Variants in GLI3 observed in about 807,000 individuals in gnomAD.
GLI3 encodes GLI family zinc finger 3.
In GLI3, 20 loss-of-function variants were observed where a neutral mutation model predicts 100.8. The ratio of observed to expected loss-of-function variants is 0.20; its 90% CI spans 0.14 to 0.29. GLI3 has a LOEUF of 0.29. Ranked by LOEUF, GLI3 falls within the 10% of genes least tolerant of loss-of-function variation. GLI3 has a pLI of 1.00. For synonymous variants in GLI3, 938 were observed against 860.5 expected, an observed-to-expected ratio of 1.09 and a Z score of -1.58; for missense variants, 2,040 against 2,128.5, an observed-to-expected ratio of 0.96 and a Z score of 0.82.
At position 41,973,227 on chromosome 7, in the gene GLI3, T is replaced by G. The variant is rs192564097; in HGVS notation, c.1813-600A>C. Among the ~76,000 whole-genome samples the G allele has an allele frequency of 2.3e-3, 348 of 152,340 alleles. 2 individuals carry two copies. Among genetic ancestry groups the G allele is most frequent in the Middle Eastern group, 0.01 (3 of 294 alleles). On this transcript the variant is annotated intron_variant, in intron 12 of 14. Transcript: ENST00000395925. ...TTGGGTAGCATTACAAGTGTGGGGA[T>G]GTTCAGGGCTCAAAATAGCCAGAAC...
intron 2 of GLI3, among the ~76,000 whole-genome samples, chr7:42,210,288 A>G (rs895841187): frequency 6.8e-6 from 1 of 147,606 alleles, no homozygotes; most frequent in Non-Finnish European, 1.5e-5. Flanking sequence ...TAAAAATTGT[A>G]CTCTTGTTTT....
At chr7:42,261,604 T>A (rs982506331) in intron 1 of GLI3, among the ~76,000 whole-genome samples, 4 of 152,172 alleles carry the variant, frequency 2.6e-5, no homozygotes, top group African/African-American at 9.7e-5. Context: ...TCAGACTATA[T>A]ATTTTATATG....
chr7:42,142,718 T>C (rs1786598464), intron 3 of GLI3, among the ~76,000 whole-genome samples: 1 of 151,766 alleles, frequency 6.6e-6, no homozygotes, highest in African/African-American at 2.4e-5. Context: ...AATGCAGCTC[T>C]TTAAAAGTCT....
intron 7 of GLI3, among the ~76,000 whole-genome samples, chr7:42,033,435 C>T (rs914316084): frequency 6.6e-6 from 1 of 152,150 alleles, no homozygotes; most frequent in Non-Finnish European, 1.5e-5. Flanking sequence ...CTACAACAAA[C>T]CTAGTTTACT....
chr7:42,197,740 A>C (rs1787956854), intron 2 of GLI3, among the ~76,000 whole-genome samples: 1 of 152,226 alleles, frequency 6.6e-6, no homozygotes, highest in South Asian at 2.1e-4. Context: ...TACCCCAGAC[A>C]GGAGAGTCAG....
At chr7:42,218,723 A>G (rs140143926) in intron 2 of GLI3, among the ~76,000 whole-genome samples, 87 of 152,284 alleles carry the variant, frequency 5.7e-4, no homozygotes, top group African/African-American at 1.9e-3. Context: ...TTGGTTTCAC[A>G]TTGCATCAGC....
At chr7:42,140,713 A>G (rs530658951) in intron 3 of GLI3, among the ~76,000 whole-genome samples, 1 of 152,370 alleles carries the variant, frequency 6.6e-6, no homozygotes, top group African/African-American at 2.4e-5. Flanking sequence ...CTATGAAGAT[A>G]CAGCACAAAT....
chr7:42,190,663 AAAATTGCAATACATTTTGAAAAC>A (rs1448277069), intron 2 of GLI3, among the ~76,000 whole-genome samples: 1 of 152,228 alleles, frequency 6.6e-6, no homozygotes, highest in Non-Finnish European at 1.5e-5. Context: ...ACATATGGAA[AAAATTGCAATACATTTTGAAAAC>A]AAATGCAATC....
At chr7:42,096,233 T>A (rs1221792533) in intron 3 of GLI3, among the ~76,000 whole-genome samples, 1 of 152,110 alleles carries the variant, frequency 6.6e-6, no homozygotes, top group African/African-American at 2.4e-5. Flanking sequence ...TGGAAGGCAC[T>A]GGAGCCACCG....
chr7:41,977,504 CGG>C, intron 12 of GLI3, 52 bp downstream of exon 12: 7 of 1,575,084 alleles, frequency 4.4e-6, no homozygotes, highest in Non-Finnish European at 6.1e-6. Flanking sequence ...GTGCCTTCCC[CGG>C]GATAGTTCTT....
chr7:42,106,181 G>A (rs1226153655), intron 3 of GLI3, among the ~76,000 whole-genome samples: 1 of 152,184 alleles, frequency 6.6e-6, no homozygotes, highest in Non-Finnish European at 1.5e-5. Flanking sequence ...CCGTCCAACA[G>A]GCATCCTCAT....
At chr7:42,093,822 GT>G (rs1785280129) in intron 3 of GLI3, among the ~76,000 whole-genome samples, 1 of 151,992 alleles carries the variant, frequency 6.6e-6, no homozygotes, top group African/African-American at 2.4e-5. Context: ...AAAAATCTTT[GT>G]CCCCAAAGAA....
At chr7:42,243,579 T>G (rs1788944662) in intron 1 of GLI3, among the ~76,000 whole-genome samples, 1 of 152,182 alleles carries the variant, frequency 6.6e-6, no homozygotes, top group Admixed American at 6.5e-5. Context: ...ATAACGATAT[T>G]CATCTCACAG....
intron 10 of GLI3, among the ~76,000 whole-genome samples, chr7:42,013,004 C>T (rs891278794): frequency 3.9e-5 from 6 of 152,198 alleles, no homozygotes; most frequent in African/African-American, 1.4e-4. Flanking sequence ...CACCATGTCC[C>T]TTTAGGCAGG....
intron 1 of GLI3, among the ~76,000 whole-genome samples, chr7:42,251,203 G>T (rs1049469848): frequency 1.3e-5 from 2 of 152,190 alleles, no homozygotes; most frequent in Non-Finnish European, 2.9e-5. Context: ...CTGCACCAGG[G>T]ACTGGTTTCT....
rs540437490 is a variant in GLI3 at position 42,061,578 on chromosome 7, G to A, written c.474-12882C>T. ...CATTGGTCCCATAAAGGTGAAAAAA[G>A]TGAGCCCTTTTGAAGTGGCAGGCTC... On this transcript the variant is annotated intron_variant, in intron 4 of 14. Transcript: ENST00000395925. Among the ~76,000 whole-genome samples the A allele has an allele frequency of 4.6e-5, 7 of 152,260 alleles. No individual in the cohort carries two copies. The East Asian group carries it at 1.3e-3, about 29-fold the overall frequency.
chr7:42,243,191 G>T (rs1788942118), intron 1 of GLI3, among the ~76,000 whole-genome samples: 1 of 152,206 alleles, frequency 6.6e-6, no homozygotes, highest in African/African-American at 2.4e-5. Context: ...GCAAGGGAAA[G>T]GAAGGACATA....
chr7:42,095,032 T>C (rs1041612416), intron 3 of GLI3, among the ~76,000 whole-genome samples: 2 of 152,118 alleles, frequency 1.3e-5, no homozygotes, highest in African/African-American at 4.8e-5. Flanking sequence ...CTCAGAAAGG[T>C]GACCAGGAGT....
chr7:42,238,024 T>TCC (rs1340090625), upstream of GLI3, among the ~76,000 whole-genome samples: 23 of 125,114 alleles, frequency 1.8e-4, no homozygotes, highest in African/African-American at 5.9e-4. Flanking sequence ...CTCCTCCTCC[T>TCC]TCTCCTCCTC....
Sources: allele counts gnomAD v4.1 joint callset (sites outside exome capture counted in the v4.1 genomes callset), GRCh38; gene constraint gnomAD v4.1.1; transcripts MANE v1.5; gene names NCBI Gene and HGNC (gene_info 2026-07-23, HGNC 2026-07-21).